The following HECW1 variants were observed in gnomAD, a reference collection of about 807,000 sequenced individuals.
HECW1 encodes the protein HECT, C2 and WW domain containing E3 ubiquitin protein ligase 1.
Under a neutral mutation model 182.3 loss-of-function variants are expected in HECW1, and 61 were observed. The ratio of observed to expected loss-of-function variants is 0.33; its 90% CI spans 0.27 to 0.41. The LOEUF is 0.41. HECW1 is among the 10% of genes least tolerant of loss of function. HECW1 has a pLI of 1.00. For missense variants in HECW1, 1,739 were observed against 2,108.9 expected (o/e 0.82, Z 3.44); for synonymous variants, 859 against 832.6 (o/e 1.03, Z -0.55).
chr7:43,335,541 T>A (rs1812010474), intron 5 of HECW1, among the ~76,000 whole-genome samples: 1 of 152,226 alleles, frequency 6.6e-6, no homozygotes, highest in African/African-American at 2.4e-5. Flanking sequence ...ACCAGCACCT[T>A]GACATTGAAC....
At chr7:43,346,841 A>G (rs965215895) in intron 5 of HECW1, among the ~76,000 whole-genome samples, 1 of 152,148 alleles carries the variant, frequency 6.6e-6, no homozygotes. Flanking sequence ...ATTCTGTTCC[A>G]CTAGTCTATG....
At chr7:43,252,877 T>G (rs1170912933) in intron 3 of HECW1, among the ~76,000 whole-genome samples, 2 of 152,242 alleles carry the variant, frequency 1.3e-5, no homozygotes, top group Non-Finnish European at 2.9e-5. Context: ...AAAAGACAGT[T>G]GTTGTTAAAT....
intron 1 of HECW1, 99 bp downstream of exon 1, chr7:43,113,036 C>T: frequency 5.3e-6 from 1 of 187,726 alleles, no homozygotes. Flanking sequence ...GCAGCGCCCT[C>T]CCTTCTCGGG....
rs889318847 is a variant in HECW1, at chr7:43,444,701, G to A, written c.1529G>A (p.Gly510Glu). 24 of 1,609,290 alleles carry A rather than the reference G, an allele frequency of 1.5e-5. No individual in the cohort carries two copies. The highest frequency in any genetic ancestry group is 2.0e-5 in the Non-Finnish European group (23 of 1,177,780). Residue 510 changes from glycine to glutamate, a missense_variant, in exon 11 of 30, where the codon GGA (glycine) becomes GAA (glutamate). Coordinates refer to ENST00000395891, the MANE Select transcript of HECW1 (RefSeq NM_015052.5). The surrounding 1 kb of genome is among the most constrained non-coding windows in gnomAD (Gnocchi z 4.3). The part of the protein sequence containing the change: ...EEEEKEQEEE[G>E]DVSTLEQGEG... ...GAGGAGAAGGAGCAGGAGGAGGAGG[G>A]AGATGTGTCTACCCTGGAGCAGGGA...
At chr7:43,423,726 C>T (rs992498822) in intron 8 of HECW1, among the ~76,000 whole-genome samples, 2 of 152,184 alleles carry the variant, frequency 1.3e-5, no homozygotes, top group Admixed American at 1.3e-4. Flanking sequence ...CAACTCTTCC[C>T]AACTCCACAT....
intron 19 of HECW1, among the ~76,000 whole-genome samples, chr7:43,493,749 C>T (rs529065306): frequency 1.3e-5 from 2 of 152,204 alleles, no homozygotes; most frequent in Non-Finnish European, 2.9e-5. Flanking sequence ...AATATTCAAA[C>T]ATCTTTTTCC....
At chr7:43,490,356 T>G (rs1453226791) in intron 17 of HECW1, among the ~76,000 whole-genome samples, 1 of 152,228 alleles carries the variant, frequency 6.6e-6, no homozygotes, top group Non-Finnish European at 1.5e-5. Context: ...GTTCTGGTTC[T>G]GAGTGAGGAC....
Position 43,212,009 on chromosome 7 carries a change from AAG to A in HECW1, c.-31-31861_-31-31860del, listed in dbSNP as rs550417343. The stretch of plus-strand genomic sequence containing the variant: ...GGGAGACTTACAGGAGAACAAGGCA[AAG>A]AGAGCACTGTAAGAAAGACTGAATA... On this transcript the variant is annotated intron_variant, in intron 2 of 29. Coordinates refer to ENST00000395891, the MANE Select transcript of HECW1 (RefSeq NM_015052.5). 3.3e-3 allele frequency among the ~76,000 whole-genome samples: 505 copies of A among 152,360 alleles called. 4 individuals carry two copies. Among genetic ancestry groups the A allele is most frequent in the African/African-American group, 0.011 (461 of 41,578 alleles).
At chr7:43,558,526 T>A (rs955904401) in intron 29 of HECW1, among the ~76,000 whole-genome samples, 1 of 152,174 alleles carries the variant, frequency 6.6e-6, no homozygotes, top group Admixed American at 6.5e-5. Context: ...CAGTTGACAA[T>A]GTCTGGAGAC....
At chr7:43,228,609 T>C (rs1454784787) in intron 2 of HECW1, among the ~76,000 whole-genome samples, 1 of 152,222 alleles carries the variant, frequency 6.6e-6, no homozygotes, top group Non-Finnish European at 1.5e-5. Flanking sequence ...TGGCTATGTA[T>C]TCATAGCCTT....
chr7:43,391,440 C>T (rs1174429979), intron 6 of HECW1, among the ~76,000 whole-genome samples: 1 of 152,192 alleles, frequency 6.6e-6, no homozygotes, highest in African/African-American at 2.4e-5. Flanking sequence ...TCAGCTTTCA[C>T]ATTTGTAAGC....
chr7:43,444,169 A>G lies in HECW1; in HGVS notation c.1046-49A>G. On this transcript the variant is annotated intron_variant, in intron 10 of 29. Coordinates refer to ENST00000395891, the MANE Select transcript of HECW1 (RefSeq NM_015052.5). This position sits in a 1 kb window ranked among gnomAD's most constrained non-coding sequence, Gnocchi z 4.3. ...ATGTCCCACAGGGTATCCTAACACC[A>G]CAATGCTCTCTTCTGGGAGAAATGA... 6.5e-7 allele frequency: 1 copy of G among 1,543,702 alleles called. No individual in the cohort carries two copies. Among genetic ancestry groups the G allele is most frequent in the Non-Finnish European group, 8.8e-7 (1 of 1,138,932 alleles).
chr7:43,373,187 G>C (rs534444648), intron 6 of HECW1, among the ~76,000 whole-genome samples: 1 of 149,244 alleles, frequency 6.7e-6, no homozygotes, highest in Non-Finnish European at 1.5e-5. Flanking sequence ...CGTTGGTGTC[G>C]TTCTGCCTTC....
intron 3 of HECW1, among the ~76,000 whole-genome samples, chr7:43,288,167 C>T (rs1267208675): frequency 1.3e-5 from 2 of 152,078 alleles, no homozygotes; most frequent in East Asian, 1.9e-4. Context: ...TTCAATTAAA[C>T]ACACAGCCCA....
rs535701833 is a variant in HECW1, at chr7:43,299,246, A to G, written c.28-12517A>G. ...ATCTCATGGAATTTAATGTGAACCT[A>G]TACTACACTGTTGAGCAAAGATTCC... On this transcript the variant is annotated intron_variant, in intron 3 of 29. Transcript: ENST00000395891. Among the ~76,000 whole-genome samples, 5 of 152,336 alleles carry G rather than the reference A, an allele frequency of 3.3e-5. No homozygotes were observed. The South Asian group carries it at 6.2e-4, about 19-fold the overall frequency.
In HECW1 at chr7:43,501,206, T is replaced by TTA; in HGVS notation, c.3522-7_3522-6insTA. ...TTCTTTTTTTTTTTTTTTTTTTTCA[T>TTA]ATGCAGTCTCTTTGAAGAAGAGATT... On this transcript the variant is annotated splice_polypyrimidine_tract_variant and splice_region_variant and intron_variant, in intron 20 of 29. Transcript: ENST00000395891. The TTA allele has an allele frequency of 4.4e-6, 4 of 899,266 alleles. No homozygotes were observed. Among genetic ancestry groups the TTA allele is most frequent in the Non-Finnish European group, 7.0e-6 (4 of 570,088 alleles). The allele number at this position is 899,266 out of a possible 1,614,324, so 55.7% of individuals were successfully genotyped here. A position where few individuals can be genotyped will look rare whatever the true frequency, so the allele number is the denominator to read the frequency against.
intron 5 of HECW1, among the ~76,000 whole-genome samples, chr7:43,335,217 T>A (rs1289802909): frequency 6.6e-6 from 1 of 152,208 alleles, no homozygotes; most frequent in Admixed American, 6.5e-5. Flanking sequence ...TTACCCTTAC[T>A]GCTAGCCTAA....
At chr7:43,439,222 CT>C (rs543172780) in intron 9 of HECW1, 1 of 152,164 alleles carries the variant, frequency 6.6e-6, no homozygotes, top group Non-Finnish European at 1.5e-5. Context: ...TCCTTGTGAT[CT>C]TTTTTATTTC....
chr7:43,184,854 G>C (rs1793231306), intron 2 of HECW1, among the ~76,000 whole-genome samples: 1 of 152,102 alleles, frequency 6.6e-6, no homozygotes, highest in Non-Finnish European at 1.5e-5. Flanking sequence ...AGCGGAAGGT[G>C]AAGGGGAAGC....
Sources: allele counts gnomAD v4.1 joint callset (sites outside exome capture counted in the v4.1 genomes callset), GRCh38; gene constraint gnomAD v4.1.1; non-coding constraint Gnocchi (gnomAD v3.1); transcripts MANE v1.5; gene names NCBI Gene and HGNC (gene_info 2026-07-23, HGNC 2026-07-21).